The following GPR19 variants were observed in gnomAD, a reference collection of about 807,000 sequenced individuals.
GPR19 encodes G protein-coupled receptor 19.
Under a neutral mutation model 28.5 loss-of-function variants are expected in GPR19, and 14 were observed. That is an observed-to-expected ratio of 0.49 (90% CI 0.32 to 0.77). GPR19 has a LOEUF of 0.77. GPR19 is among the 30% of genes least tolerant of loss of function. The pLI is 0.03. For missense variants in GPR19, 409 were observed against 504.1 expected (o/e 0.81, Z 1.81); for synonymous variants, 173 against 184.1 (o/e 0.94, Z 0.49).
the GPR19 span, among the ~76,000 whole-genome samples, chr12:12,707,763 G>A: frequency 2.0e-5 from 3 of 152,028 alleles, no homozygotes; most frequent in Admixed American, 6.6e-5. Flanking sequence ...CTGTCGCCCA[G>A]GCTGGAGTGC....
At chr12:12,712,449 C>T in the GPR19 span, among the ~76,000 whole-genome samples, 4 of 152,172 alleles carry the variant, frequency 2.6e-5, no homozygotes, top group South Asian at 6.2e-4. Flanking sequence ...TCCATCAGTT[C>T]GCAGTACTTA....
intron 2 of GPR19, among the ~76,000 whole-genome samples, chr12:12,690,274 T>C (rs1241603866): frequency 6.6e-6 from 1 of 152,224 alleles, no homozygotes; most frequent in African/African-American, 2.4e-5. Flanking sequence ...GTCTTTGCTA[T>C]ATATGTGTAT....
intron 3 of GPR19, among the ~76,000 whole-genome samples, chr12:12,683,542 T>G (rs1280277054): frequency 2.0e-5 from 3 of 152,240 alleles, no homozygotes; most frequent in Non-Finnish European, 2.9e-5. Context: ...TGTTTCTTCA[T>G]CTCTAAAATG....
chr12:12,673,297 G>T (rs1001474135), intron 3 of GPR19, among the ~76,000 whole-genome samples: 4 of 152,202 alleles, frequency 2.6e-5, no homozygotes, highest in Non-Finnish European at 5.9e-5. Flanking sequence ...GGTGTGTAGT[G>T]AGTATTCTCA....
chr12:12,711,991 A>C, the GPR19 span, among the ~76,000 whole-genome samples: 1 of 152,148 alleles, frequency 6.6e-6, no homozygotes, highest in South Asian at 2.1e-4. Flanking sequence ...CAGGCTCATC[A>C]CACCCATCCT....
chr12:12,662,495 G>A, intron 3 of GPR19, 25 bp from the exon 4 acceptor site: 2 of 1,554,088 alleles, frequency 1.3e-6, no homozygotes, highest in Non-Finnish European at 1.8e-6. Context: ...GAAGAATGAG[G>A]CCTCCTGTTA....
intron 3 of GPR19, among the ~76,000 whole-genome samples, chr12:12,670,091 C>T (rs143606772): frequency 0.02 from 3,045 of 152,244 alleles, 204 homozygotes; most frequent in Admixed American, 0.14. Flanking sequence ...AGGTAGCCAC[C>T]AGCATGACTG....
the GPR19 span, among the ~76,000 whole-genome samples, chr12:12,712,657 T>C: frequency 6.6e-6 from 1 of 152,202 alleles, no homozygotes; most frequent in Non-Finnish European, 1.5e-5. Flanking sequence ...TGTTTTTCTA[T>C]GTATTGCTTT....
At chr12:12,695,195 C>T (rs1946244674) in intron 2 of GPR19, among the ~76,000 whole-genome samples, 1 of 152,188 alleles carries the variant, frequency 6.6e-6, no homozygotes, top group Non-Finnish European at 1.5e-5. Flanking sequence ...TACAAAGAAT[C>T]AAATTATAGT....
intron 3 of GPR19, among the ~76,000 whole-genome samples, chr12:12,675,895 G>A (rs1036688445): frequency 1.3e-5 from 2 of 152,168 alleles, no homozygotes; most frequent in African/African-American, 4.8e-5. Context: ...TCTAAGCAGA[G>A]AACTCAGCCA....
At chr12:12,671,142 TAA>T (rs535517127) in intron 3 of GPR19, among the ~76,000 whole-genome samples, 5 of 137,858 alleles carry the variant, frequency 3.6e-5, no homozygotes, top group African/African-American at 1.1e-4. Flanking sequence ...CTACTAAAAA[TAA>T]AAAAAAAAAA....
chr12:12,703,138 A>G, the GPR19 span, among the ~76,000 whole-genome samples: 4 of 152,228 alleles, frequency 2.6e-5, no homozygotes, highest in South Asian at 6.2e-4. Context: ...AATGCCTGAC[A>G]CATTGTAGGT....
the GPR19 span, among the ~76,000 whole-genome samples, chr12:12,701,995 AT>A: frequency 6.7e-6 from 1 of 150,238 alleles, no homozygotes; most frequent in Admixed American, 6.7e-5. Context: ...TCCTATAAGC[AT>A]TTTGCTTGCA....
rs1285579279 is a variant in GPR19 at position 12,662,248 on chromosome 12, T to G, written c.201A>C (p.Thr67=). Residue 67 remains threonine (T), a synonymous_variant, in exon 4 of 4, where the codon ACA becomes ACC. Transcript: ENST00000651487. ...HYVLKPGEVA[T]ASIFFGILWL... ...ACAGAATCCCAAAGAAGATGCTGGC[T>G]GTGGCCACTTCCCCGGGTTTCAGCA... 1.2e-6 allele frequency: 2 copies of G among 1,614,134 alleles called. No homozygotes were observed. The highest frequency in any genetic ancestry group is 1.7e-6 in the Non-Finnish European group (2 of 1,180,048).
At chr12:12,686,408 A>G (rs1354720052) in intron 2 of GPR19, among the ~76,000 whole-genome samples, 1 of 152,264 alleles carries the variant, frequency 6.6e-6, no homozygotes, top group Non-Finnish European at 1.5e-5. Context: ...ATTTATCAAA[A>G]AAGTTAGATA....
upstream of GPR19, among the ~76,000 whole-genome samples, chr12:12,700,383 T>C (rs1479509127): frequency 6.6e-6 from 1 of 152,032 alleles, no homozygotes; most frequent in Non-Finnish European, 1.5e-5. Flanking sequence ...TGTTAGACTC[T>C]CTCATAAGGG....
chr12:12,662,475 T>C lies in GPR19; in HGVS notation c.-22-5A>G. On this transcript the variant is annotated splice_region_variant and splice_polypyrimidine_tract_variant and intron_variant, in intron 3 of 3. Transcript: ENST00000651487. Reference sequence around the variant, plus strand: ...TTCACTTTTTTTCTCTTAATTCTGGTTGGGGAAAAGAAGAATGAGGCCTCC... The same window carrying C: ...TTCACTTTTTTTCTCTTAATTCTGGCTGGGGAAAAGAAGAATGAGGCCTCC... 7 of 1,603,810 alleles carry C rather than the reference T, an allele frequency of 4.4e-6. No individual in the cohort carries two copies. Among genetic ancestry groups the C allele is most frequent in the Admixed American group, 1.7e-5 (1 of 59,472 alleles).
intron 2 of GPR19, among the ~76,000 whole-genome samples, chr12:12,685,797 C>A (rs1257074496): frequency 6.6e-6 from 1 of 152,100 alleles, no homozygotes; most frequent in East Asian, 1.9e-4. Context: ...CCCTGAAATG[C>A]CATCACAGGG....
the GPR19 span, among the ~76,000 whole-genome samples, chr12:12,713,516 G>A: frequency 2.6e-5 from 4 of 152,016 alleles, no homozygotes; most frequent in South Asian, 6.2e-4. Context: ...CATGTCTTCA[G>A]GGCTTCTCTC....
Sources: gnomAD v4.1 joint callset for allele counts (sites outside exome capture counted in the v4.1 genomes callset) on GRCh38, gnomAD v4.1.1 for gene constraint, MANE v1.5 for transcripts, NCBI Gene and HGNC (gene_info 2026-07-23, HGNC 2026-07-21) for gene names.